MAML3: variants seen among roughly 807,000 people sequenced by gnomAD.
MAML3 encodes the protein mastermind-like protein 3.
Under a neutral mutation model 101.9 loss-of-function variants are expected in MAML3, and 27 were observed. The ratio of observed to expected loss-of-function variants is 0.27; its 90% CI spans 0.20 to 0.37. The LOEUF is 0.37. Among genes scored for constraint, MAML3 ranks in the 10% least tolerant of loss-of-function variants. The probability of loss-of-function intolerance (pLI) is 1.00; values close to 1 mark genes in which losing one functional copy is unlikely to be tolerated. For missense variants in MAML3, 1,316 were observed against 1,444.9 expected (o/e 0.91, Z 1.45); for synonymous variants, 501 against 555.9 (o/e 0.90, Z 1.39).
chr4:139,943,864 C>CTTTT (rs10644498), intron 1 of MAML3, among the ~76,000 whole-genome samples: 1,483 of 65,818 alleles, frequency 0.023, 239 homozygotes, highest in African/African-American at 0.075. Context: ...CTAAAGACAA[C>CTTTT]TTTTTTTTTT....
At chr4:139,788,031 CT>C (rs1291185295) in intron 2 of MAML3, among the ~76,000 whole-genome samples, 2 of 152,160 alleles carry the variant, frequency 1.3e-5, no homozygotes, top group African/African-American at 4.8e-5. Context: ...AGATTCTATG[CT>C]AAGTGACATG....
At chr4:140,006,900 T>TC (rs1210403328) in intron 1 of MAML3, among the ~76,000 whole-genome samples, 1 of 152,186 alleles carries the variant, frequency 6.6e-6, no homozygotes, top group Non-Finnish European at 1.5e-5. Context: ...CATTTAATCT[T>TC]CCCGTCAACC....
intron 1 of MAML3, among the ~76,000 whole-genome samples, chr4:140,108,453 A>G (rs1431261994): frequency 6.6e-6 from 1 of 151,770 alleles, no homozygotes; most frequent in Admixed American, 6.6e-5. Context: ...TCAAAGAAAA[A>G]CTACAAAGAG....
intron 1 of MAML3, among the ~76,000 whole-genome samples, chr4:139,969,026 C>G (rs1393788027): frequency 6.6e-6 from 1 of 151,842 alleles, no homozygotes; most frequent in Non-Finnish European, 1.5e-5. Context: ...GGTGCCGGCC[C>G]TCCCATCCCA....
chr4:139,719,999 C>T lies in MAML3; in HGVS notation c.2741G>A (p.Gly914Asp). ...ASGQGVGMVSGFGQSMLVNSA... is the reference protein window; with the variant it reads ...ASGQGVGMVSDFGQSMLVNSA... ...GTTCACCAGCATGCTCTGACCAAAG[C>T]CACTCACCATTCCAACCCCCTGCCC... The change falls in exon 5 of 5, where the codon GGC (glycine) becomes GAC (aspartate). Residue 914 changes from glycine to aspartate, a missense_variant. Transcript: ENST00000509479. 1 of 1,614,094 alleles carries T rather than the reference C, an allele frequency of 6.2e-7. No individual in the cohort carries two copies. Among genetic ancestry groups the T allele is most frequent in the Non-Finnish European group, 8.5e-7 (1 of 1,179,908 alleles).
chr4:139,807,620 G>A (rs745802545), intron 2 of MAML3, among the ~76,000 whole-genome samples: 18 of 152,188 alleles, frequency 1.2e-4, no homozygotes, highest in African/African-American at 3.6e-4. Context: ...AAAACAGTCC[G>A]TGCCTCAGTG....
intron 1 of MAML3, among the ~76,000 whole-genome samples, chr4:140,137,571 A>T (rs1421295481): frequency 6.6e-6 from 1 of 152,250 alleles, no homozygotes. Context: ...ATATTACAAA[A>T]AGTTGAAGAA....
intron 1 of MAML3, among the ~76,000 whole-genome samples, chr4:139,978,063 T>G (rs1364737937): frequency 6.6e-6 from 1 of 152,006 alleles, no homozygotes; most frequent in Non-Finnish European, 1.5e-5. Flanking sequence ...CAGACTGAGG[T>G]CACAGTCTTG....
intron 4 of MAML3, among the ~76,000 whole-genome samples, chr4:139,721,958 A>T (rs1328124145): frequency 6.6e-6 from 1 of 152,192 alleles, no homozygotes; most frequent in Non-Finnish European, 1.5e-5. Flanking sequence ...AGTTGTTTAT[A>T]AAAAAAGTTT....
chr4:140,065,861 C>T (rs905958536), intron 1 of MAML3, among the ~76,000 whole-genome samples: 3 of 152,198 alleles, frequency 2.0e-5, no homozygotes, highest in African/African-American at 7.2e-5. Flanking sequence ...ACAGGAAGGT[C>T]CATAAGGAAA....
At chr4:139,922,355 CA>C (rs1733145355) in intron 1 of MAML3, among the ~76,000 whole-genome samples, 1 of 151,970 alleles carries the variant, frequency 6.6e-6, no homozygotes, top group Non-Finnish European at 1.5e-5. Context: ...AGATCATTAC[CA>C]TATCAAAGGC....
chr4:139,883,678 T>C (rs960251101), intron 2 of MAML3, among the ~76,000 whole-genome samples: 3 of 151,888 alleles, frequency 2.0e-5, no homozygotes, highest in South Asian at 4.2e-4. Flanking sequence ...GAAGACAACA[T>C]GGAAGTGGCT....
In MAML3 at chr4:140,051,830, G is replaced by A. The variant is rs186714554; in HGVS notation, c.468+101030C>T. Reference sequence around the variant, plus strand: ...AGAGGAGCTCAGCAGTTCATCCAACGTCACAGAGCAAGCTAGTGGAGGCGC... The same window carrying A: ...AGAGGAGCTCAGCAGTTCATCCAACATCACAGAGCAAGCTAGTGGAGGCGC... On this transcript the variant is annotated intron_variant, in intron 1 of 4. Transcript: ENST00000509479. Among the ~76,000 whole-genome samples, 51 of 152,080 alleles carry A rather than the reference G, an allele frequency of 3.4e-4. No homozygotes were observed. The East Asian group carries it at 3.5e-3, about 10-fold the overall frequency.
At chr4:139,833,841 G>T (rs893671087) in intron 2 of MAML3, among the ~76,000 whole-genome samples, 1 of 152,030 alleles carries the variant, frequency 6.6e-6, no homozygotes, top group African/African-American at 2.4e-5. Flanking sequence ...CTCTTCAGAA[G>T]AATGAATCAC....
chr4:140,035,053 T>C (rs1726962475), intron 1 of MAML3, among the ~76,000 whole-genome samples: 1 of 152,168 alleles, frequency 6.6e-6, no homozygotes, highest in Non-Finnish European at 1.5e-5. Flanking sequence ...CACTGCAACC[T>C]CTGCCTCCCA....
intron 2 of MAML3, among the ~76,000 whole-genome samples, chr4:139,846,216 T>C (rs776855317): frequency 5.3e-5 from 8 of 152,270 alleles, no homozygotes; most frequent in South Asian, 2.1e-4. Flanking sequence ...CACTGTACTT[T>C]ATTTTTATTT....
At chr4:139,983,555 GT>G (rs1243569402) in intron 1 of MAML3, among the ~76,000 whole-genome samples, 11 of 152,092 alleles carry the variant, frequency 7.2e-5, no homozygotes, top group Admixed American at 7.2e-4. Flanking sequence ...TATTTTGCTG[GT>G]TGAGCATCTG....
At chr4:139,975,118 C>T (rs924101945) in intron 1 of MAML3, among the ~76,000 whole-genome samples, 3 of 152,094 alleles carry the variant, frequency 2.0e-5, no homozygotes, top group African/African-American at 7.2e-5. Flanking sequence ...AGCATCCCAT[C>T]TCTCTCAGAT....
At chr4:139,856,944 A>C (rs1353381411) in intron 2 of MAML3, among the ~76,000 whole-genome samples, 1 of 152,214 alleles carries the variant, frequency 6.6e-6, no homozygotes, top group South Asian at 2.1e-4. Flanking sequence ...CTGAATTTTA[A>C]TTGTAGGAGT....
Sources: allele counts gnomAD v4.1 joint callset (sites outside exome capture counted in the v4.1 genomes callset), GRCh38; gene constraint gnomAD v4.1.1; transcripts MANE v1.5; gene names NCBI Gene and HGNC (gene_info 2026-07-23, HGNC 2026-07-21).